The following PPP1R1C variants were observed in gnomAD, a reference collection of about 807,000 sequenced individuals.
The protein encoded by PPP1R1C is protein phosphatase 1 regulatory subunit 1C.
A neutral mutation model predicts 17.4 loss-of-function variants in PPP1R1C; 15 were observed. The ratio of observed to expected loss-of-function variants is 0.86; its 90% CI spans 0.58 to 1.33. PPP1R1C has a LOEUF of 1.33. Ranked by LOEUF, PPP1R1C falls within the 40% of genes most tolerant of loss-of-function variation. The pLI is 0.00. For synonymous variants in PPP1R1C, 35 were observed against 43.1 expected (o/e 0.81, Z 0.73); for missense variants, 143 against 130.0 (o/e 1.10, Z -0.48).
chr2:182,021,836 A>G (rs1686438106), intron 2 of PPP1R1C, among the ~76,000 whole-genome samples: 1 of 152,198 alleles, frequency 6.6e-6, no homozygotes, highest in African/African-American at 2.4e-5. Context: ...ACAAAACAGA[A>G]AGTGGTCATT....
intron 4 of PPP1R1C, among the ~76,000 whole-genome samples, chr2:182,082,614 A>G (rs1688513440): frequency 6.6e-6 from 1 of 152,174 alleles, no homozygotes; most frequent in Non-Finnish European, 1.5e-5. Flanking sequence ...GTCGCGGAAG[A>G]ACATAGACTC....
chr2:182,021,475 G>A (rs903252374), intron 2 of PPP1R1C, among the ~76,000 whole-genome samples: 2 of 151,704 alleles, frequency 1.3e-5, no homozygotes, highest in South Asian at 2.1e-4. Context: ...CTACAGGTGC[G>A]AGACACCACG....
intron 4 of PPP1R1C, among the ~76,000 whole-genome samples, chr2:182,075,137 G>C (rs1466010837): frequency 1.3e-5 from 2 of 152,196 alleles, no homozygotes; most frequent in African/African-American, 4.8e-5. Flanking sequence ...TTACCAATGG[G>C]AGCTATGTTG....
intron 2 of PPP1R1C, among the ~76,000 whole-genome samples, chr2:182,047,075 T>C (rs1687369714): frequency 6.6e-6 from 1 of 152,190 alleles, no homozygotes; most frequent in Admixed American, 6.5e-5. Context: ...TTAAAGTGAA[T>C]GCTCTCAAAA....
chr2:182,014,113 G>A (rs1184522754), intron 2 of PPP1R1C, among the ~76,000 whole-genome samples: 1 of 152,102 alleles, frequency 6.6e-6, no homozygotes, highest in African/African-American at 2.4e-5. Flanking sequence ...TCGATTTTGG[G>A]GCACTGAAGA....
In PPP1R1C at chr2:181,987,552, T is replaced by C. The variant is rs577741777; in HGVS notation, c.82-287T>C. Among the ~76,000 whole-genome samples, 6 of 152,330 alleles carry C rather than the reference T, an allele frequency of 3.9e-5. No individual in the cohort carries two copies. In the East Asian group the frequency reaches 1.2e-3, roughly 29 times the overall value. ...ACATTATCAGGTCAACCCTGTACCT[T>C]CATTGTAAATTAATTTTCTGTTGTA... On this transcript the variant is annotated intron_variant, in intron 1 of 4. Transcript: ENST00000682840.
At chr2:182,089,888 A>G (rs1688732583) in intron 4 of PPP1R1C, among the ~76,000 whole-genome samples, 1 of 152,066 alleles carries the variant, frequency 6.6e-6, no homozygotes, top group African/African-American at 2.4e-5. Flanking sequence ...CTCTGTACTC[A>G]TCATTATCTT....
downstream of PPP1R1C, among the ~76,000 whole-genome samples, chr2:182,120,850 A>AG (rs1463031281): frequency 1.4e-5 from 2 of 142,440 alleles, no homozygotes; most frequent in African/African-American, 6.0e-5. Context: ...CTCCATTCCT[A>AG]AAAAAAAACA....
intron 2 of PPP1R1C, among the ~76,000 whole-genome samples, chr2:182,050,124 T>C (rs1320868949): frequency 6.6e-6 from 1 of 152,232 alleles, no homozygotes; most frequent in African/African-American, 2.4e-5. Flanking sequence ...ACAATATCAT[T>C]GGCCTGCTGT....
At chr2:182,064,439 C>G (rs1274380529) in intron 4 of PPP1R1C, among the ~76,000 whole-genome samples, 1 of 152,142 alleles carries the variant, frequency 6.6e-6, no homozygotes, top group Admixed American at 6.5e-5. Flanking sequence ...TCTGTCCAGT[C>G]TACTCTCTCA....
intron 2 of PPP1R1C, among the ~76,000 whole-genome samples, chr2:182,038,630 T>C (rs1260947510): frequency 1.3e-5 from 2 of 152,182 alleles, no homozygotes; most frequent in African/African-American, 4.8e-5. Flanking sequence ...ATCTTGTTTT[T>C]AACTAGTTAA....
intron 2 of PPP1R1C, among the ~76,000 whole-genome samples, chr2:182,034,356 A>G (rs1254886822): frequency 6.6e-6 from 1 of 152,202 alleles, no homozygotes; most frequent in Non-Finnish European, 1.5e-5. Flanking sequence ...GGGCTCAGTC[A>G]TGGAATTAAT....
At chr2:182,111,929 A>G (rs1032018548) in intron 4 of PPP1R1C, among the ~76,000 whole-genome samples, 1 of 152,090 alleles carries the variant, frequency 6.6e-6, no homozygotes, top group African/African-American at 2.4e-5. Flanking sequence ...AGTTTTTGCG[A>G]TAGGCACCAG....
At chr2:182,040,360 G>A (rs186693338) in intron 2 of PPP1R1C, among the ~76,000 whole-genome samples, 4 of 152,210 alleles carry the variant, frequency 2.6e-5, no homozygotes, top group Non-Finnish European at 5.9e-5. Context: ...CAGGAGTAAG[G>A]TGTATCTCAT....
At chr2:182,030,204 C>G (rs901345534) in intron 2 of PPP1R1C, among the ~76,000 whole-genome samples, 1 of 152,104 alleles carries the variant, frequency 6.6e-6, no homozygotes, top group Non-Finnish European at 1.5e-5. Context: ...AAGCCTTCTT[C>G]TCTCAGCTCG....
chr2:181,964,697 TTTTATTTA>T (rs147683694), intron 1 of PPP1R1C, among the ~76,000 whole-genome samples: 3 of 151,408 alleles, frequency 2.0e-5, no homozygotes, highest in East Asian at 1.9e-4. Context: ...CTGTAGTTTA[TTTTATTTA>T]TTTATTTATT....
intron 1 of PPP1R1C, among the ~76,000 whole-genome samples, chr2:181,964,161 GA>G (rs1684862618): frequency 6.6e-6 from 1 of 152,136 alleles, no homozygotes; most frequent in Non-Finnish European, 1.5e-5. Flanking sequence ...CTGTTGCCAT[GA>G]GTTCAATTGT....
chr2:182,040,248 G>A (rs1174054909), intron 2 of PPP1R1C, among the ~76,000 whole-genome samples: 1 of 152,166 alleles, frequency 6.6e-6, no homozygotes, highest in African/African-American at 2.4e-5. Flanking sequence ...CTTAAAGGTT[G>A]CACTAGTTTA....
At chr2:182,081,858 C>T (rs1323331837) in intron 4 of PPP1R1C, among the ~76,000 whole-genome samples, 1 of 152,108 alleles carries the variant, frequency 6.6e-6, no homozygotes, top group Non-Finnish European at 1.5e-5. Context: ...GTTTATCCTG[C>T]ATATTACCAA....
Sources: gnomAD v4.1 joint callset for allele counts (sites outside exome capture counted in the v4.1 genomes callset) on GRCh38, gnomAD v4.1.1 for gene constraint, MANE v1.5 for transcripts, NCBI Gene and HGNC (gene_info 2026-07-23, HGNC 2026-07-21) for gene names.